The following CADPS variants were observed in gnomAD, a reference collection of about 807,000 sequenced individuals.
CADPS encodes the protein calcium-dependent secretion activator 1.
In CADPS, 57 loss-of-function variants were observed where a neutral mutation model predicts 167.3. That is an observed-to-expected ratio of 0.34 (90% CI 0.28 to 0.42). The LOEUF is 0.42. Ranked by LOEUF, CADPS falls within the 20% of genes least tolerant of loss-of-function variation. The pLI, the probability that CADPS is intolerant of heterozygous loss-of-function variation, is 1.00. For missense variants in CADPS, 1,414 were observed against 1,738.1 expected, an observed-to-expected ratio of 0.81 and a Z score of 3.32; for synonymous variants, 676 against 635.3, an observed-to-expected ratio of 1.06 and a Z score of -0.96.
intron 3 of CADPS, among the ~76,000 whole-genome samples, chr3:62,669,241 G>A (rs2075075140): frequency 6.6e-6 from 1 of 152,182 alleles, no homozygotes; most frequent in South Asian, 2.1e-4. Flanking sequence ...AGCCACTGCA[G>A]AGGAGGGTGG....
chr3:62,527,155 T>A (rs1457933244), intron 13 of CADPS, among the ~76,000 whole-genome samples: 1 of 152,102 alleles, frequency 6.6e-6, no homozygotes, highest in Admixed American at 6.6e-5. Flanking sequence ...AAACTGAAAA[T>A]CAGTGGTGGT....
chr3:62,432,575 G>A, intron 28 of CADPS, among the ~76,000 whole-genome samples: 1 of 152,138 alleles, frequency 6.6e-6, no homozygotes, highest in East Asian at 1.9e-4. Flanking sequence ...AAAAAAGAAG[G>A]CTGGGAAAAG....
rs1560054365 is a variant in CADPS at position 62,875,043 on chromosome 3, G to A, written c.-14C>T. On this transcript the variant is annotated 5_prime_UTR_variant, in exon 1 of 30. Coordinates refer to ENST00000383710, the MANE Select transcript of CADPS (RefSeq NM_003716.4). ...AGGGTCCAGCATAGTGGCGCCTGGGGAGCGGGGTCTCTGGAGCCCCCGGCT... is the reference window on the plus strand; with the variant it reads ...AGGGTCCAGCATAGTGGCGCCTGGGAAGCGGGGTCTCTGGAGCCCCCGGCT... The A allele has an allele frequency of 1.3e-6, 2 of 1,577,228 alleles. No individual in the cohort carries two copies. Among genetic ancestry groups the A allele is most frequent in the Middle Eastern group, 1.7e-4 (1 of 5,894 alleles).
intron 3 of CADPS, among the ~76,000 whole-genome samples, chr3:62,729,761 G>A (rs770872660): frequency 2.0e-5 from 3 of 151,710 alleles, no homozygotes; most frequent in Non-Finnish European, 4.4e-5. Context: ...TGTATATCCT[G>A]CCTTTAACAC....
At chr3:62,861,295 A>C (rs1327302546) in intron 1 of CADPS, among the ~76,000 whole-genome samples, 1 of 152,206 alleles carries the variant, frequency 6.6e-6, no homozygotes, top group Non-Finnish European at 1.5e-5. Flanking sequence ...TCGGTCACTG[A>C]AATTAAATAT....
chr3:62,552,462 A>T (rs960553982), intron 10 of CADPS, among the ~76,000 whole-genome samples: 8 of 152,186 alleles, frequency 5.3e-5, no homozygotes, highest in African/African-American at 1.9e-4. Flanking sequence ...CATATTCTAG[A>T]AACCTGTATT....
chr3:62,574,878 T>G lies in CADPS; in HGVS notation c.1578-3940A>C, dbSNP rs11928503. ...TAAATGTCAGCTTTATTACAAAATCTCTGTACGGACAGAGAAAATGTATCA... is the reference window on the plus strand; with the variant it reads ...TAAATGTCAGCTTTATTACAAAATCGCTGTACGGACAGAGAAAATGTATCA... On this transcript the variant is annotated intron_variant, in intron 8 of 29. Transcript: ENST00000383710. Among the ~76,000 whole-genome samples the G allele has an allele frequency of 5.5e-3, 844 of 152,330 alleles. 8 individuals are homozygous for G. Among genetic ancestry groups the G allele is most frequent in the African/African-American group, 0.018 (734 of 41,566 alleles).
At position 62,650,850 on chromosome 3, in the gene CADPS, C is replaced by T. The variant is rs1252194495; in HGVS notation, c.1200G>A (p.Leu400=). ...SKSDVVLSFS[L]EVVIMEVQGL... ...TCAAGGGCTCAGGGCTTTTTACCTCCAATGAGAAAGACAGCACGACATCTG... is the reference window on the plus strand; with the variant it reads ...TCAAGGGCTCAGGGCTTTTTACCTCTAATGAGAAAGACAGCACGACATCTG... Residue 400 remains leucine, a synonymous_variant, in exon 5 of 30, where the codon TTG becomes TTA. Coordinates refer to ENST00000383710, the MANE Select transcript of CADPS (RefSeq NM_003716.4). 3.2e-5 allele frequency: 52 copies of T among 1,613,162 alleles called. No individual in the cohort carries two copies. The highest frequency in any genetic ancestry group is 4.2e-5 in the Non-Finnish European group (49 of 1,179,424).
chr3:62,410,933 C>A lies in CADPS; in HGVS notation c.3778-7748G>T, dbSNP rs116056306. 4.9e-3 allele frequency among the ~76,000 whole-genome samples: 747 copies of A among 152,074 alleles called. 9 individuals carry two copies. Among genetic ancestry groups the A allele is most frequent in the African/African-American group, 0.018 (732 of 41,490 alleles). On this transcript the variant is annotated intron_variant, in intron 28 of 29. Coordinates refer to ENST00000383710, the MANE Select transcript of CADPS (RefSeq NM_003716.4). ...CAGCCTGAGCAACACAGTGAGACAC[C>A]GTCTCTACAAAAAATTTAAAAATTA...
intron 4 of CADPS, among the ~76,000 whole-genome samples, chr3:62,651,567 C>T (rs2070159819): frequency 6.6e-6 from 1 of 152,070 alleles, no homozygotes; most frequent in Admixed American, 6.6e-5. Context: ...TAGTCTGTGT[C>T]TATTTCTAAG....
intron 5 of CADPS, among the ~76,000 whole-genome samples, chr3:62,648,181 G>A (rs186936648): frequency 8.7e-4 from 133 of 152,238 alleles, no homozygotes; most frequent in African/African-American, 3.2e-3. Context: ...ACAAACAGAT[G>A]TGCAATGGTT....
At chr3:62,746,255 A>C (rs1187940751) in intron 3 of CADPS, among the ~76,000 whole-genome samples, 2 of 152,188 alleles carry the variant, frequency 1.3e-5, no homozygotes, top group African/African-American at 4.8e-5. Flanking sequence ...GATTTTACAG[A>C]TGTAAAATTC....
chr3:62,479,797 C>T lies in CADPS; in HGVS notation c.3174-1381G>A, dbSNP rs538962583. On this transcript the variant is annotated intron_variant, in intron 22 of 29. Transcript: ENST00000383710. ...TTCCTGGTGGGTGATTGAGAATCCA[C>T]GCCTTCTTTTCAGATACTGCCGTGA... is the stretch of plus-strand genomic sequence containing the variant. 3.3e-5 allele frequency among the ~76,000 whole-genome samples: 5 copies of T among 152,328 alleles called. No individual in the cohort carries two copies. In the East Asian group the frequency reaches 7.7e-4, roughly 23 times the overall value.
At chr3:62,726,533 A>T (rs2076778071) in intron 3 of CADPS, among the ~76,000 whole-genome samples, 2 of 151,888 alleles carry the variant, frequency 1.3e-5, no homozygotes, top group South Asian at 4.1e-4. Context: ...CCATGGACTC[A>T]GTCCTCACTA....
At chr3:62,557,358 G>C in intron 10 of CADPS, 47 bp downstream of exon 10, 1 of 1,270,914 alleles carries the variant, frequency 7.9e-7, no homozygotes, top group Non-Finnish European at 1.2e-6. Flanking sequence ...ATTGATTTGG[G>C]AAGGTTGAGG....
At chr3:62,748,096 G>A (rs1056607954) in intron 3 of CADPS, among the ~76,000 whole-genome samples, 5 of 149,898 alleles carry the variant, frequency 3.3e-5, no homozygotes, top group South Asian at 2.1e-4. Flanking sequence ...TGAGGCGGGC[G>A]GATCACAAGG....
chr3:62,862,651 T>C (rs11711506), intron 1 of CADPS, among the ~76,000 whole-genome samples: 27,321 of 152,194 alleles, frequency 0.18, 2,712 homozygotes, highest in Middle Eastern at 0.3. Context: ...AGATGTGAAA[T>C]GTGACATACA....
At chr3:62,485,335 G>A (rs765120961) in intron 21 of CADPS, among the ~76,000 whole-genome samples, 16 of 152,058 alleles carry the variant, frequency 1.1e-4, no homozygotes, top group African/African-American at 2.9e-4. Context: ...AAAACTCAGC[G>A]TTTGCATGCT....
At chr3:62,525,943 G>T (rs1006383322) in intron 13 of CADPS, among the ~76,000 whole-genome samples, 1 of 152,084 alleles carries the variant, frequency 6.6e-6, no homozygotes, top group South Asian at 2.1e-4. Flanking sequence ...CTAAACTATG[G>T]TAGTGGCATT....
Sources: gnomAD v4.1 joint callset for allele counts (sites outside exome capture counted in the v4.1 genomes callset) on GRCh38, gnomAD v4.1.1 for gene constraint, MANE v1.5 for transcripts, NCBI Gene and HGNC (gene_info 2026-07-23, HGNC 2026-07-21) for gene names.